Variants in CHST12 observed in about 807,000 individuals in gnomAD.
CHST12 encodes the protein carbohydrate sulfotransferase 12.
A neutral mutation model predicts 27.9 loss-of-function variants in CHST12; 23 were observed. The ratio of observed to expected loss-of-function variants is 0.82; its 90% CI spans 0.59 to 1.17. The LOEUF (loss-of-function observed/expected upper bound fraction) is 1.17, where lower values mean the gene tolerates loss of function less well. Ranked by LOEUF, CHST12 falls within the 50% of genes most tolerant of loss-of-function variation. The probability of loss-of-function intolerance (pLI) is 0.00; values close to 1 mark genes in which losing one functional copy is unlikely to be tolerated. For synonymous variants in CHST12, 322 were observed against 273.0 expected (o/e 1.18, Z -1.77); for missense variants, 682 against 603.0 (o/e 1.13, Z -1.37).
chr7:2,426,938 C>A (rs750508958), intron 1 of CHST12, among the ~76,000 whole-genome samples: 2 of 152,008 alleles, frequency 1.3e-5, no homozygotes, highest in South Asian at 4.1e-4. Flanking sequence ...TTGCAGTGAG[C>A]CAAGATCATG....
At chr7:2,413,067 G>A (rs1216910085) in intron 1 of CHST12, among the ~76,000 whole-genome samples, 1 of 152,208 alleles carries the variant, frequency 6.6e-6, no homozygotes, top group Non-Finnish European at 1.5e-5. Context: ...CCACTTAGCT[G>A]TGTTTTCTCA....
At chr7:2,414,598 A>G (rs983218487) in intron 1 of CHST12, among the ~76,000 whole-genome samples, 15 of 152,152 alleles carry the variant, frequency 9.9e-5, no homozygotes, top group Admixed American at 9.2e-4. Flanking sequence ...ACTTTCTTTA[A>G]TGGTAAAATT....
At chr7:2,431,101 G>A (rs1782259062) in intron 1 of CHST12, among the ~76,000 whole-genome samples, 1 of 152,202 alleles carries the variant, frequency 6.6e-6, no homozygotes, top group Non-Finnish European at 1.5e-5. Flanking sequence ...GAAGTCTCCA[G>A]CCATAATTGT....
chr7:2,433,872 C>G lies in CHST12; in HGVS notation c.1233C>G (p.Leu411=). The change falls in exon 2 of 2, where the codon CTC becomes CTG. Residue 411 remains leucine, a synonymous_variant. Coordinates refer to ENST00000618655, the MANE Select transcript of CHST12 (RefSeq NM_018641.5). This position sits in a 1 kb window ranked among gnomAD's most constrained non-coding sequence, Gnocchi z 6.1. The stretch of plus-strand genomic sequence containing the variant: ...TCGGCTACCCCAAGCCCGAAAACCT[C>G]CTCCGAGACTGAAAGCTTTCGCGTT... ...VLFGYPKPEN[L]LRD is the part of the protein sequence containing the mutation. 6.4e-7 allele frequency: 1 copy of G among 1,568,116 alleles called. No homozygotes were observed. Among genetic ancestry groups the G allele is most frequent in the Non-Finnish European group, 8.7e-7 (1 of 1,153,124 alleles).
chr7:2,420,587 C>G (rs530607228), intron 1 of CHST12, among the ~76,000 whole-genome samples: 4 of 152,126 alleles, frequency 2.6e-5, no homozygotes, highest in Non-Finnish European at 5.9e-5. Context: ...GTGGAAGGAT[C>G]ACTTGAGGCC....
At position 2,441,431 on chromosome 7, in the gene CHST12, G is replaced by A. The variant is rs944643330; in HGVS notation, c.*7547G>A. The A allele has an allele frequency of 6.6e-6, 1 of 152,192 alleles. No individual in the cohort carries two copies. The highest frequency in any genetic ancestry group is 1.9e-4 in the East Asian group (1 of 5,202). 9.4% of individuals were successfully genotyped at this position (152,192 alleles called of 1,614,324 possible). A position where few individuals can be genotyped will look rare whatever the true frequency, so the allele number is the denominator to read the frequency against. On this transcript the variant is annotated 3_prime_UTR_variant, in exon 2 of 2. Transcript: ENST00000618655. The stretch of plus-strand genomic sequence containing the variant: ...AATATGGCTGCAGGGGGCAGCTTAT[G>A]CCTGTAATCCCACCATTTTGGGAGC...
chr7:2,403,903 C>T (rs543591964), intron 1 of CHST12, among the ~76,000 whole-genome samples: 8 of 152,228 alleles, frequency 5.3e-5, no homozygotes, highest in Non-Finnish European at 1.0e-4. Flanking sequence ...TCGTCGTCCT[C>T]GGCCAGGGGG....
chr7:2,430,088 T>G (rs527793491), intron 1 of CHST12, among the ~76,000 whole-genome samples: 17 of 152,304 alleles, frequency 1.1e-4, no homozygotes, highest in African/African-American at 3.4e-4. Flanking sequence ...CGGCCTTTTC[T>G]GCTTTCTAAT....
intron 1 of CHST12, among the ~76,000 whole-genome samples, chr7:2,410,412 C>T (rs1781637522): frequency 6.6e-6 from 1 of 152,258 alleles, no homozygotes; most frequent in Admixed American, 6.5e-5. Flanking sequence ...TTTTGGGAGG[C>T]TGAGGCAGGA....
chr7:2,429,361 C>T (rs1057294585), intron 1 of CHST12, among the ~76,000 whole-genome samples: 2 of 152,130 alleles, frequency 1.3e-5, no homozygotes, highest in Admixed American at 6.5e-5. Flanking sequence ...CAAGCGTGAG[C>T]CACGACGCCC....
At position 2,435,755 on chromosome 7, in the gene CHST12, G is replaced by A. The variant is rs1782457483; in HGVS notation, c.*1871G>A. On this transcript the variant is annotated 3_prime_UTR_variant, in exon 2 of 2. Coordinates refer to ENST00000618655, the MANE Select transcript of CHST12 (RefSeq NM_018641.5). ...GGCCCCCAGTGCCTGCTAGCCTCAGGTGTCCCCTGTGTTAGACACCTCCTG... is the reference window on the plus strand; with the variant it reads ...GGCCCCCAGTGCCTGCTAGCCTCAGATGTCCCCTGTGTTAGACACCTCCTG... The A allele has an allele frequency of 6.6e-6, 1 of 152,248 alleles. No homozygotes were observed. 9.4% of individuals were successfully genotyped at this position (152,248 alleles called of 1,614,324 possible).
intron 1 of CHST12, among the ~76,000 whole-genome samples, chr7:2,410,979 CT>C (rs1323513253): frequency 6.6e-6 from 1 of 151,974 alleles, no homozygotes; most frequent in Non-Finnish European, 1.5e-5. Flanking sequence ...CAGGTGAGAG[CT>C]GATGGTGATT....
intron 1 of CHST12, among the ~76,000 whole-genome samples, chr7:2,421,715 G>T (rs1283044544): frequency 6.6e-6 from 1 of 151,954 alleles, no homozygotes; most frequent in African/African-American, 2.4e-5. Context: ...AGGATTACAG[G>T]CATGAGCTAC....
intron 1 of CHST12, among the ~76,000 whole-genome samples, chr7:2,414,186 T>C (rs1433570243): frequency 6.6e-6 from 1 of 152,246 alleles, no homozygotes; most frequent in Non-Finnish European, 1.5e-5. Flanking sequence ...AAGAGCTCTT[T>C]ATATATTCTG....
At chr7:2,415,135 C>T (rs10262626) in intron 1 of CHST12, among the ~76,000 whole-genome samples, 3 of 152,260 alleles carry the variant, frequency 2.0e-5, no homozygotes, top group African/African-American at 2.4e-5. Flanking sequence ...GAGGCCAAGG[C>T]GGGTGGATCA....
At position 2,437,049 on chromosome 7, in the gene CHST12, A is replaced by G. The variant is rs144278250; in HGVS notation, c.*3165A>G. ...ATGCGCAGCACCACACTGCGTAGAGACCTTTGGCTCTGGTTTTTTCTTTTT... is the reference window on the plus strand; with the variant it reads ...ATGCGCAGCACCACACTGCGTAGAGGCCTTTGGCTCTGGTTTTTTCTTTTT... On this transcript the variant is annotated 3_prime_UTR_variant, in exon 2 of 2. Transcript: ENST00000618655. The G allele has an allele frequency of 1.0e-3, 158 of 152,310 alleles. No homozygotes were observed. The highest frequency in any genetic ancestry group is 3.4e-3 in the Middle Eastern group (1 of 294). 9.4% of individuals were successfully genotyped at this position (152,310 alleles called of 1,614,324 possible).
At position 2,444,496 on chromosome 7, in the gene CHST12, T is replaced by A. The variant is rs1782699640; in HGVS notation, c.*10612T>A. On this transcript the variant is annotated 3_prime_UTR_variant, in exon 2 of 2. Transcript: ENST00000618655. ...ACAAACAAAAATCAAAGTGCCAACCTCTGGGCTGTCCCCTCCTGGCCTGCC... is the reference window on the plus strand; with the variant it reads ...ACAAACAAAAATCAAAGTGCCAACCACTGGGCTGTCCCCTCCTGGCCTGCC... 6.5e-6 allele frequency: 1 copy of A among 152,994 alleles called. No homozygotes were observed. Among genetic ancestry groups the A allele is most frequent in the Admixed American group, 6.6e-5 (1 of 15,250 alleles). 9.5% of individuals were successfully genotyped at this position (152,994 alleles called of 1,614,324 possible).
intron 1 of CHST12, among the ~76,000 whole-genome samples, chr7:2,427,795 C>G (rs1782165899): frequency 6.6e-6 from 1 of 152,106 alleles, no homozygotes; most frequent in South Asian, 2.1e-4. Flanking sequence ...GCATACCCTA[C>G]TTGGTCATGC....
At chr7:2,405,653 G>A (rs897877541) in intron 1 of CHST12, among the ~76,000 whole-genome samples, 1 of 152,150 alleles carries the variant, frequency 6.6e-6, no homozygotes, top group African/African-American at 2.4e-5. Context: ...GTGAGAGAGT[G>A]GGGGCGGGCA....
Sources: gnomAD v4.1 joint callset for allele counts (sites outside exome capture counted in the v4.1 genomes callset) on GRCh38, gnomAD v4.1.1 for gene constraint, Gnocchi (gnomAD v3.1) non-coding constraint, MANE v1.5 for transcripts, NCBI Gene and HGNC (gene_info 2026-07-23, HGNC 2026-07-21) for gene names.